FOXP1: variants seen among roughly 807,000 people sequenced by gnomAD.
FOXP1 encodes forkhead box P1.
In FOXP1, 15 loss-of-function variants were observed where a neutral mutation model predicts 98.2. The ratio of observed to expected loss-of-function variants is 0.15; its 90% confidence interval spans 0.10 to 0.24. The LOEUF (loss-of-function observed/expected upper bound fraction) is 0.24, where lower values mean the gene tolerates loss of function less well. FOXP1 is among the 10% of genes least tolerant of loss of function. The probability of loss-of-function intolerance (pLI) is 1.00; values close to 1 mark genes in which losing one functional copy is unlikely to be tolerated. For missense variants in FOXP1, 633 were observed against 848.5 expected, an observed-to-expected ratio of 0.75 and a Z score of 3.15; for synonymous variants, 371 against 314.5, an observed-to-expected ratio of 1.18 and a Z score of -1.90.
Position 71,513,134 on chromosome 3 carries a change from GC to G in FOXP1, c.-297-19580del, listed in dbSNP as rs1560588855. Among the ~76,000 whole-genome samples, 9 of 152,122 alleles carry G rather than the reference GC, an allele frequency of 5.9e-5. No individual in the cohort carries two copies. In the South Asian group the frequency reaches 1.9e-3, roughly 32 times the overall value. Reference sequence around the variant, plus strand: ...ATGTGTGTACCTATCTGCCTCTACAGCCTGTCCTCTGGAATGTCTAGACATC... The same window carrying G: ...ATGTGTGTACCTATCTGCCTCTACAGCTGTCCTCTGGAATGTCTAGACATC... On this transcript the variant is annotated intron_variant, in intron 2 of 20. Transcript: ENST00000649528.
At chr3:71,284,497 A>C (rs2071902408) in intron 5 of FOXP1, among the ~76,000 whole-genome samples, 1 of 152,196 alleles carries the variant, frequency 6.6e-6, no homozygotes, top group Non-Finnish European at 1.5e-5. Context: ...TGAGAGATCA[A>C]GGCTGTAGTG....
At chr3:71,159,044 G>A (rs2060999036) in intron 6 of FOXP1, among the ~76,000 whole-genome samples, 1 of 148,612 alleles carries the variant, frequency 6.7e-6, no homozygotes, top group South Asian at 2.1e-4. Flanking sequence ...AGGTCGAGGT[G>A]CAGTAAGCCA....
chr3:71,396,622 C>T (rs2081390531), intron 3 of FOXP1, among the ~76,000 whole-genome samples: 1 of 151,904 alleles, frequency 6.6e-6, no homozygotes, highest in Admixed American at 6.6e-5. Context: ...TCAAGTAACA[C>T]AAATTCCAGT....
At chr3:71,054,162 A>T (rs1226325159) in intron 7 of FOXP1, among the ~76,000 whole-genome samples, 1 of 152,206 alleles carries the variant, frequency 6.6e-6, no homozygotes, top group Non-Finnish European at 1.5e-5. Flanking sequence ...GGTAACCAGC[A>T]CCTTTGCAGG....
chr3:71,038,675 T>A (rs79782821), intron 11 of FOXP1, among the ~76,000 whole-genome samples: 2 of 151,972 alleles, frequency 1.3e-5, no homozygotes, highest in East Asian at 1.9e-4. Context: ...TTTTTTTTTT[T>A]AATTAAGAGA....
intron 5 of FOXP1, among the ~76,000 whole-genome samples, chr3:71,265,335 A>G (rs188389800): frequency 9.2e-5 from 14 of 152,306 alleles, no homozygotes; most frequent in Admixed American, 8.5e-4. Context: ...AAGAGAAGGG[A>G]TCATTTTGCC....
chr3:71,458,825 T>C (rs1203360551), intron 3 of FOXP1, among the ~76,000 whole-genome samples: 1 of 152,164 alleles, frequency 6.6e-6, no homozygotes, highest in Non-Finnish European at 1.5e-5. Context: ...GAAAATGGGA[T>C]TTGGGCACCG....
intron 2 of FOXP1, among the ~76,000 whole-genome samples, chr3:71,519,339 T>G (rs2042810404): frequency 6.6e-6 from 1 of 152,226 alleles, no homozygotes; most frequent in South Asian, 2.1e-4. Flanking sequence ...AAGGTAAAAC[T>G]GCGGAGACTT....
chr3:71,571,680 C>T (rs2107807351), intron 2 of FOXP1: 1 of 152,298 alleles, frequency 6.6e-6, no homozygotes, highest in East Asian at 1.9e-4. Context: ...TTTTACTCAG[C>T]AATGAGCCTG....
intron 6 of FOXP1, among the ~76,000 whole-genome samples, chr3:71,151,879 G>C (rs960755385): frequency 2.0e-5 from 3 of 152,066 alleles, no homozygotes; most frequent in African/African-American, 7.2e-5. Context: ...AACAATCCAC[G>C]AACAGTAGTG....
intron 5 of FOXP1, among the ~76,000 whole-genome samples, chr3:71,269,023 C>G (rs1259515880): frequency 6.6e-6 from 1 of 151,922 alleles, no homozygotes; most frequent in African/African-American, 2.4e-5. Flanking sequence ...CAGATAGAAA[C>G]TTCACTCTGC....
intron 6 of FOXP1, among the ~76,000 whole-genome samples, chr3:71,181,292 T>C (rs2062276183): frequency 6.6e-6 from 1 of 152,214 alleles, no homozygotes; most frequent in Non-Finnish European, 1.5e-5. Context: ...CCATGGCTTT[T>C]CCCAGTCTTC....
At chr3:71,132,474 C>T (rs1260744010) in intron 6 of FOXP1, among the ~76,000 whole-genome samples, 1 of 152,136 alleles carries the variant, frequency 6.6e-6, no homozygotes, top group Non-Finnish European at 1.5e-5. Context: ...AAAGTCAGTG[C>T]ATACAATCAA....
chr3:71,472,802 C>A (rs1033781442), intron 3 of FOXP1, among the ~76,000 whole-genome samples: 1 of 152,190 alleles, frequency 6.6e-6, no homozygotes, highest in East Asian at 1.9e-4. Context: ...TACATATTAA[C>A]CCCACTTATT....
intron 5 of FOXP1, among the ~76,000 whole-genome samples, chr3:71,231,012 C>T (rs745799979): frequency 1.4e-4 from 22 of 152,096 alleles, no homozygotes; most frequent in Non-Finnish European, 3.2e-4. Context: ...CTTGTTTTTC[C>T]CTCCGCTCTT....
intron 5 of FOXP1, among the ~76,000 whole-genome samples, chr3:71,260,536 A>AAT (rs2069032953): frequency 9.3e-6 from 1 of 107,874 alleles, no homozygotes; most frequent in Admixed American, 9.5e-5. Context: ...AATTTCCTTT[A>AAT]ATTTTTTTTT....
At chr3:71,214,493 A>G (rs2064763497) in intron 5 of FOXP1, among the ~76,000 whole-genome samples, 1 of 152,152 alleles carries the variant, frequency 6.6e-6, no homozygotes, top group Admixed American at 6.5e-5. Flanking sequence ...GGATTCATTC[A>G]TCAACTAAAC....
intron 5 of FOXP1, chr3:71,292,623 C>T (rs12495346): frequency 0.076 from 11,584 of 152,274 alleles, 484 homozygotes; most frequent in Non-Finnish European, 0.1. Context: ...GTGTGAGCCA[C>T]CATGCCCGGC....
At chr3:71,519,429 C>T (rs958357972) in intron 2 of FOXP1, among the ~76,000 whole-genome samples, 2 of 152,158 alleles carry the variant, frequency 1.3e-5, no homozygotes, top group Admixed American at 1.3e-4. Flanking sequence ...AGATCAGCCA[C>T]CTCTAACCTG....
Sources: gnomAD v4.1 joint callset for allele counts (sites outside exome capture counted in the v4.1 genomes callset) on GRCh38, gnomAD v4.1.1 for gene constraint, MANE v1.5 for transcripts, NCBI Gene and HGNC (gene_info 2026-07-23, HGNC 2026-07-21) for gene names.